Variants in TMEM74 observed in about 807,000 individuals in gnomAD.
TMEM74 encodes the protein transmembrane protein 74.
TMEM74 carries 13 observed loss-of-function variants against 18.1 expected under a neutral mutation model. The observed-to-expected ratio is 0.72, with a 90% CI of 0.47 to 1.14. The LOEUF (loss-of-function observed/expected upper bound fraction) is 1.14. Ranked by LOEUF, TMEM74 falls within the 50% of genes most tolerant of loss-of-function variation. The pLI is 0.00. For synonymous variants in TMEM74, 159 were observed against 146.6 expected (o/e 1.08, Z -0.61); for missense variants, 372 against 375.9 (o/e 0.99, Z 0.09).
At chr8:108,639,763 T>A (rs1812644567) in intron 2 of TMEM74, among the ~76,000 whole-genome samples, 2 of 152,076 alleles carry the variant, frequency 1.3e-5, no homozygotes, top group Admixed American at 6.6e-5. Flanking sequence ...CTCATTTTGG[T>A]CCCTACGTAT....
At chr8:108,639,941 T>G in intron 2 of TMEM74, among the ~76,000 whole-genome samples, 1 of 152,056 alleles carries the variant, frequency 6.6e-6, no homozygotes, top group Non-Finnish European at 1.5e-5. Context: ...TTAATTTAAC[T>G]TTTAAGGCTT....
chr8:108,777,363 C>A (rs2129654514), downstream of TMEM74, among the ~76,000 whole-genome samples: 1 of 152,260 alleles, frequency 6.6e-6, no homozygotes, highest in African/African-American at 2.4e-5. Context: ...CACTGTTGTG[C>A]ACATAGAAAG....
chr8:108,645,342 A>C (rs1812707779), intron 2 of TMEM74, among the ~76,000 whole-genome samples: 2 of 152,056 alleles, frequency 1.3e-5, no homozygotes, highest in South Asian at 4.2e-4. Context: ...TTGACACTGG[A>C]AACTCCACAA....
chr8:108,753,740 CTG>C (rs1813927226), intron 1 of TMEM74, among the ~76,000 whole-genome samples: 1 of 151,978 alleles, frequency 6.6e-6, no homozygotes, highest in Non-Finnish European at 1.5e-5. Context: ...CATGTCTACT[CTG>C]TTTTGTATTG....
Position 108,785,085 on chromosome 8 carries a change from T to C in TMEM74, c.14A>G (p.Tyr5Cys), listed in dbSNP as rs757735728. MELH[Y>C]LAKKSNQADL... ...TGCCTGGTTGCTCTTCTTAGCAAGG[T>C]AGTGGAGCTCCATGAGAGCTAGTCA... The change falls in exon 2 of 2, where the codon TAC becomes TGC. Residue 5 changes from tyrosine to cysteine, a missense_variant. Coordinates refer to ENST00000297459, the MANE Select transcript of TMEM74 (RefSeq NM_153015.3). 1.3e-5 allele frequency: 21 copies of C among 1,599,546 alleles called. 1 individual carries two copies. In the Admixed American group the frequency reaches 3.3e-4, roughly 25 times the overall value.
At chr8:108,661,696 C>T (rs12114049) in intron 1 of TMEM74, among the ~76,000 whole-genome samples, 2,097 of 152,080 alleles carry the variant, frequency 0.014, 50 homozygotes, top group African/African-American at 0.047. Flanking sequence ...AGGGTAAGCA[C>T]AGAAGGCTCT....
At chr8:108,611,641 G>A (rs1325017930) in intron 2 of TMEM74, among the ~76,000 whole-genome samples, 3 of 152,134 alleles carry the variant, frequency 2.0e-5, no homozygotes, top group East Asian at 1.9e-4. Flanking sequence ...TGTTGTTGCC[G>A]ATTTTTAATT....
At chr8:108,764,576 T>C (rs910461435) in intron 1 of TMEM74, among the ~76,000 whole-genome samples, 3 of 152,180 alleles carry the variant, frequency 2.0e-5, no homozygotes, top group Non-Finnish European at 2.9e-5. Flanking sequence ...TTCCTCTGTA[T>C]GCACAAGTTG....
intron 2 of TMEM74, among the ~76,000 whole-genome samples, chr8:108,645,620 T>C (rs2935766): frequency 0.19 from 28,607 of 151,918 alleles, 2,753 homozygotes; most frequent in East Asian, 0.27. Flanking sequence ...CCAAGAAACA[T>C]GGCAAAAATG....
chr8:108,613,746 C>T (rs1460201610), intron 2 of TMEM74, among the ~76,000 whole-genome samples: 1 of 152,298 alleles, frequency 6.6e-6, no homozygotes, highest in East Asian at 1.9e-4. Flanking sequence ...CTCTGATTGG[C>T]TTTTCATCTT....
intron 2 of TMEM74, among the ~76,000 whole-genome samples, chr8:108,618,074 A>G (rs575404473): frequency 1.4e-4 from 21 of 152,252 alleles, no homozygotes; most frequent in Middle Eastern, 6.8e-3. Flanking sequence ...TTTAAAATTG[A>G]CAGAAGTAGC....
At chr8:108,673,001 T>C (rs1386969079) in intron 1 of TMEM74, among the ~76,000 whole-genome samples, 1 of 152,214 alleles carries the variant, frequency 6.6e-6, no homozygotes, top group Non-Finnish European at 1.5e-5. Context: ...ATCCAGATGA[T>C]TAAACACAAC....
intron 1 of TMEM74, among the ~76,000 whole-genome samples, chr8:108,741,761 T>A (rs1432401416): frequency 1.3e-5 from 2 of 152,182 alleles, no homozygotes; most frequent in African/African-American, 2.4e-5. Flanking sequence ...TACTAATGGA[T>A]AACAGTTAAT....
intron 1 of TMEM74, among the ~76,000 whole-genome samples, chr8:108,698,428 G>C (rs895593661): frequency 2.0e-5 from 3 of 152,280 alleles, no homozygotes; most frequent in East Asian, 1.9e-4. Context: ...CTAGGAAACA[G>C]TTTCCTCAGC....
At chr8:108,627,528 C>A (rs933056026) in intron 2 of TMEM74, among the ~76,000 whole-genome samples, 1 of 151,972 alleles carries the variant, frequency 6.6e-6, no homozygotes, top group Non-Finnish European at 1.5e-5. Flanking sequence ...TAGCACAGTG[C>A]CTGTTATACA....
In TMEM74 at chr8:108,643,230, C is replaced by G. The variant is rs895606897; in HGVS notation, n.264+12063G>C. Reference sequence around the variant, plus strand: ...TTTTTAAAAACACAGATTGCTGTACCCAACTGAAGAACTTCTGATTCAGTG... The same window carrying G: ...TTTTTAAAAACACAGATTGCTGTACGCAACTGAAGAACTTCTGATTCAGTG... On this transcript the variant is annotated intron_variant and non_coding_transcript_variant, in intron 2 of 3. Coordinates refer to the TMEM74 transcript ENST00000518838. 5.9e-5 allele frequency among the ~76,000 whole-genome samples: 9 copies of G among 152,068 alleles called. No individual in the cohort carries two copies. The East Asian group carries it at 1.7e-3, about 29-fold the overall frequency.
intron 2 of TMEM74, among the ~76,000 whole-genome samples, chr8:108,613,078 T>C (rs1286939406): frequency 2.0e-5 from 3 of 152,192 alleles, no homozygotes; most frequent in Non-Finnish European, 4.4e-5. Flanking sequence ...GGGTTTTCTT[T>C]ACTTCTTTCA....
chr8:108,743,063 C>T (rs1367191236), intron 1 of TMEM74, among the ~76,000 whole-genome samples: 3 of 152,120 alleles, frequency 2.0e-5, no homozygotes, highest in African/African-American at 7.2e-5. Context: ...TTGCAACAGC[C>T]TTGAAACAGA....
chr8:108,630,451 C>T (rs969917066), intron 2 of TMEM74, among the ~76,000 whole-genome samples: 1 of 152,034 alleles, frequency 6.6e-6, no homozygotes, highest in Non-Finnish European at 1.5e-5. Context: ...ATATTCAGGA[C>T]TTGAACTCAG....
Sources: allele counts gnomAD v4.1 joint callset (sites outside exome capture counted in the v4.1 genomes callset), GRCh38; gene constraint gnomAD v4.1.1; transcripts MANE v1.5; gene names NCBI Gene and HGNC (gene_info 2026-07-23, HGNC 2026-07-21).